The following ATXN7L2 variants were observed in gnomAD, a reference collection of about 807,000 sequenced individuals.
ATXN7L2 encodes the protein ataxin 7 like 2, also known as ataxin-7-like protein 2.
ATXN7L2 carries 17 observed loss-of-function variants against 59.6 expected under a neutral mutation model. The ratio of observed to expected loss-of-function variants is 0.29; its 90% confidence interval spans 0.20 to 0.43. The LOEUF (loss-of-function observed/expected upper bound fraction) is 0.43, where lower values mean the gene tolerates loss of function less well. Ranked by LOEUF, ATXN7L2 falls within the 20% of genes least tolerant of loss-of-function variation. The pLI is 1.00. For missense variants in ATXN7L2, 858 were observed against 1,008.9 expected (o/e 0.85, Z 2.03); for synonymous variants, 378 against 392.5 (o/e 0.96, Z 0.44).
At chr1:109,490,163 G>T in intron 8 of ATXN7L2, 35 bp downstream of exon 8, 1 of 1,565,816 alleles carries the variant, frequency 6.4e-7, no homozygotes, top group Non-Finnish European at 8.7e-7. Context: ...TGGAGGGGGT[G>T]GCCCAGCACT....
chr1:109,487,882 G>T, intron 5 of ATXN7L2, 78 bp downstream of exon 5: 1 of 1,478,836 alleles, frequency 6.8e-7, no homozygotes. Context: ...GGCTGGATGA[G>T]GAGGAGGTCA....
Position 109,490,018 on chromosome 1 carries a change from C to T in ATXN7L2, c.1222C>T (p.Arg408Trp), listed in dbSNP as rs562739459. The change falls in exon 8 of 11, where the codon CGG (arginine) becomes TGG (tryptophan). Residue 408 changes from arginine to tryptophan, a missense_variant. Physicochemically the swap from Arg to Trp is moderately radical, Grantham distance 101 (BLOSUM62 -3). Coordinates refer to ENST00000683729, the MANE Select transcript of ATXN7L2 (RefSeq NM_001350175.2). The stretch of plus-strand genomic sequence containing the variant: ...AGGCCTGTTCCCCTTCCCCATGCCC[C>T]GGGGTGGGACCCAGGCCTCCAGCGA... ...DPGLFPFPMP[R>W]GGTQASSEES... The T allele has an allele frequency of 4.7e-5, 75 of 1,612,732 alleles. No homozygotes were observed. Among genetic ancestry groups the T allele is most frequent in the Non-Finnish European group, 6.0e-5 (71 of 1,179,460 alleles).
At chr1:109,485,501 A>G (rs916626444) in intron 1 of ATXN7L2, 1 of 985,326 alleles carries the variant, frequency 1.0e-6, no homozygotes, top group African/African-American at 1.7e-5. Context: ...TAACTTTGAC[A>G]ATGCTATGGT....
Position 109,487,635 on chromosome 1 carries a change from G to A in ATXN7L2, c.627G>A (p.Lys209=), listed in dbSNP as rs146979128. The A allele has an allele frequency of 7.1e-5, 114 of 1,605,166 alleles. No homozygotes were observed. The highest frequency in any genetic ancestry group is 9.2e-5 in the Non-Finnish European group (108 of 1,175,966). ...AFLSQPGGLT[K]DSPGKPPMAP... ...TCAGCCAGCCAGGGGGCCTCACCAA[G>A]GACTCCCCTGGAAAACCTCCCATGG... The change falls in exon 5 of 11, where the codon AAG becomes AAA. Residue 209 remains lysine, a synonymous_variant. Transcript: ENST00000683729.
chr1:109,487,173 C>T lies in ATXN7L2; in HGVS notation c.465C>T (p.Ser155=). 1 of 1,594,962 alleles carries T rather than the reference C, an allele frequency of 6.3e-7. No homozygotes were observed. The highest frequency in any genetic ancestry group is 2.3e-5 in the East Asian group (1 of 44,320). The change falls in exon 4 of 11, where the codon AGC becomes AGT. Residue 155 remains serine, a synonymous_variant. Transcript: ENST00000683729. ...GGGAGAAGGGCCAGGGGTCCCGGAG[C>T]CGTGGCCACCAGCCTCCTGAGAAGA... ...SSREKGQGSR[S]RGHQPPEKTQ... is the part of the protein sequence containing the mutation.
In ATXN7L2 at chr1:109,486,208, T is replaced by C; in HGVS notation, c.193+86T>C. The C allele has an allele frequency of 6.7e-7, 1 of 1,485,718 alleles. No individual in the cohort carries two copies. The highest frequency in any genetic ancestry group is 1.4e-5 in the South Asian group (1 of 70,200). The allele number at this position is 1,485,718 out of a possible 1,614,324, so 92.0% of individuals were successfully genotyped here. A position where few individuals can be genotyped will look rare whatever the true frequency, so the allele number is the denominator to read the frequency against. On this transcript the variant is annotated intron_variant, in intron 2 of 10. Transcript: ENST00000683729. This position sits in a 1 kb window ranked among gnomAD's most constrained non-coding sequence, Gnocchi z 4.3. Reference sequence around the variant, plus strand: ...CCACCACACTACAGAAGGAGGTGGCTGCTTGAAGCAGCTGTCTGGGGACCC... The same window carrying C: ...CCACCACACTACAGAAGGAGGTGGCCGCTTGAAGCAGCTGTCTGGGGACCC...
At position 109,487,161 on chromosome 1, in the gene ATXN7L2, G is replaced by T; in HGVS notation, c.453G>T (p.Gln151His). 6.2e-7 allele frequency: 1 copy of T among 1,603,374 alleles called. No homozygotes were observed. Among genetic ancestry groups the T allele is most frequent in the Non-Finnish European group, 8.5e-7 (1 of 1,174,854 alleles). ...AAACCTCCTCCAGGGAGAAGGGCCAGGGGTCCCGGAGCCGTGGCCACCAGC... is the reference window on the plus strand; with the variant it reads ...AAACCTCCTCCAGGGAGAAGGGCCATGGGTCCCGGAGCCGTGGCCACCAGC... ...STKTSSREKGQGSRSRGHQPP... is the reference protein window; with the variant it reads ...STKTSSREKGHGSRSRGHQPP... The change falls in exon 4 of 11, where the codon CAG becomes CAT. Residue 151 changes from glutamine (Q) to histidine (H), a missense_variant. Physicochemically the swap from Gln to His is conservative, Grantham distance 24. Around this residue, in one of 3 missense-constraint regions of ATXN7L2, gnomAD observed 734 missense variants for 862.3 expected, o/e 0.85. Transcript: ENST00000683729.
intron 9 of ATXN7L2, among the ~76,000 whole-genome samples, chr1:109,490,598 G>T (rs145995343): frequency 6.6e-6 from 1 of 152,296 alleles, no homozygotes; most frequent in African/African-American, 2.4e-5. Flanking sequence ...GGCATGGAAG[G>T]GTGGTCTGGG....
intron 7 of ATXN7L2, 139 bp from the exon 8 acceptor site, chr1:109,489,791 C>T: frequency 8.3e-6 from 7 of 839,398 alleles, no homozygotes; most frequent in South Asian, 4.8e-5. Context: ...CTGTCCTTCC[C>T]TTCCCTCTGT....
Position 109,492,567 on chromosome 1 carries a change from G to T in ATXN7L2, c.2251-19G>T, listed in dbSNP as rs542277342. The T allele has an allele frequency of 3.7e-6, 6 of 1,613,716 alleles. No individual in the cohort carries two copies. The Admixed American group carries it at 6.7e-5, about 18-fold the overall frequency. On this transcript the variant is annotated intron_variant, in intron 10 of 10. Transcript: ENST00000683729. ...GGCCCCCACCCTGACCCTTTCTCTC[G>T]CCTCTTGTCTTCCTGCAGTCAAAAG...
Position 109,488,489 on chromosome 1 carries a change from T to G in ATXN7L2, c.879+24T>G. 1 of 1,589,664 alleles carries G rather than the reference T, an allele frequency of 6.3e-7. No individual in the cohort carries two copies. Among genetic ancestry groups the G allele is most frequent in the South Asian group, 1.1e-5 (1 of 89,002 alleles). On this transcript the variant is annotated intron_variant, in intron 6 of 10. Transcript: ENST00000683729. This position sits in a 1 kb window ranked among gnomAD's most constrained non-coding sequence, Gnocchi z 5.0. Reference sequence around the variant, plus strand: ...AGGTAACCCCCTTCCCACTGCACGGTGAGGGAGGACAGCACAGGGCTTGCC... The same window carrying G: ...AGGTAACCCCCTTCCCACTGCACGGGGAGGGAGGACAGCACAGGGCTTGCC...
chr1:109,487,610 T>C lies in ATXN7L2; in HGVS notation c.602T>C (p.Leu201Pro), dbSNP rs552524351. 1.9e-6 allele frequency: 3 copies of C among 1,584,994 alleles called. No homozygotes were observed. The African/African-American group carries it at 4.1e-5, about 22-fold the overall frequency. Residue 201 changes from leucine (L) to proline (P), a missense_variant, in exon 5 of 11, where the codon CTC (leucine) becomes CCC (proline). Coordinates refer to ENST00000683729, the MANE Select transcript of ATXN7L2 (RefSeq NM_001350175.2). ...GIRVAPPSAF[L>P]SQPGGLTKDS... is the part of the protein sequence containing the mutation. ...AGGGTGGCCCCACCCTCTGCTTTTCTCAGCCAGCCAGGGGGCCTCACCAAG... is the reference window on the plus strand; with the variant it reads ...AGGGTGGCCCCACCCTCTGCTTTTCCCAGCCAGCCAGGGGGCCTCACCAAG...
intron 7 of ATXN7L2, 66 bp downstream of exon 7, chr1:109,489,166 T>G: frequency 6.5e-7 from 1 of 1,548,930 alleles, no homozygotes. Context: ...CAGGGGCCCC[T>G]GGAAACAGGC....
Position 109,491,505 on chromosome 1 carries a change from C to T in ATXN7L2, c.2038C>T (p.Arg680Trp), listed in dbSNP as rs764064522. ...TPVKASQLENRGAAGHPAKAL... is the reference protein window; with the variant it reads ...TPVKASQLENWGAAGHPAKAL... ...AGTCAAGGCTTCTCAGCTGGAGAAC[C>T]GGGGAGCAGCTGGACACCCAGCCAA... Residue 680 changes from arginine to tryptophan, a missense_variant, in exon 10 of 11, where the codon CGG (arginine) becomes TGG (tryptophan). Arg to Trp is a moderately radical substitution (Grantham distance 101). Coordinates refer to ENST00000683729, the MANE Select transcript of ATXN7L2 (RefSeq NM_001350175.2). The surrounding 1 kb of genome is among the most constrained non-coding windows in gnomAD (Gnocchi z 4.1). 1.5e-5 allele frequency: 24 copies of T among 1,613,786 alleles called. No homozygotes were observed. Among genetic ancestry groups the T allele is most frequent in the African/African-American group, 4.0e-5 (3 of 74,944 alleles).
chr1:109,484,288 A>C (rs909383412), intron 1 of ATXN7L2, among the ~76,000 whole-genome samples: 6 of 151,584 alleles, frequency 4.0e-5, no homozygotes, highest in African/African-American at 1.2e-4. Flanking sequence ...CTCGCAGCCC[A>C]CCCTGCCAAC....
At chr1:109,492,488 A>G (rs1000721964) in intron 10 of ATXN7L2, 98 bp from the exon 11 acceptor site, 9 of 1,502,246 alleles carry the variant, frequency 6.0e-6, no homozygotes, top group Admixed American at 1.9e-5. Context: ...AGCAGAAGGA[A>G]ATCAAGCTTT....
At chr1:109,487,379 CCT>C (rs1656669295) in intron 4 of ATXN7L2, 137 bp from the exon 5 acceptor site, 1 of 1,174,238 alleles carries the variant, frequency 8.5e-7, no homozygotes, top group Admixed American at 3.2e-5. Flanking sequence ...GATGGGGTCT[CCT>C]CTTCCCGTGT....
Position 109,492,696 on chromosome 1 carries a change from A to ATT in ATXN7L2, c.*104_*105dup. ...CTGCCGCTTTTTATAACTTTATATT[A>ATT]TTTTTTTTTAAGAAAAAAAGCTCTT... On this transcript the variant is annotated 3_prime_UTR_variant, in exon 11 of 11. Transcript: ENST00000683729. The ATT allele has an allele frequency of 7.2e-7, 1 of 1,382,334 alleles. No homozygotes were observed. The highest frequency in any genetic ancestry group is 9.9e-7 in the Non-Finnish European group (1 of 1,007,108). 85.6% of individuals were successfully genotyped at this position (1,382,334 alleles called of 1,614,324 possible). A position where few individuals can be genotyped will look rare whatever the true frequency, so the allele number is the denominator to read the frequency against.
At position 109,488,695 on chromosome 1, in the gene ATXN7L2, T is replaced by C. The variant is rs1162292386; in HGVS notation, c.880-152T>C. The C allele has an allele frequency of 8.7e-7, 1 of 1,143,122 alleles. No homozygotes were observed. The allele number at this position is 1,143,122 out of a possible 1,614,324, so 70.8% of individuals were successfully genotyped here. On this transcript the variant is annotated intron_variant, in intron 6 of 10. Coordinates refer to ENST00000683729, the MANE Select transcript of ATXN7L2 (RefSeq NM_001350175.2). This position sits in a 1 kb window ranked among gnomAD's most constrained non-coding sequence, Gnocchi z 5.0. ...ATCCCAAAGGAGGGTTTTGGCCCCA[T>C]GGGGGAATGAAACAAAGACACATGA...
Sources: allele counts gnomAD v4.1 joint callset (sites outside exome capture counted in the v4.1 genomes callset), GRCh38; gene constraint gnomAD v4.1.1; regional missense constraint gnomAD v4.1.1; non-coding constraint Gnocchi (gnomAD v3.1); transcripts MANE v1.5; gene names NCBI Gene and HGNC (gene_info 2026-07-23, HGNC 2026-07-21).